The following PBRM1 variants were observed in gnomAD, a reference collection of about 807,000 sequenced individuals.
PBRM1 encodes the protein protein polybromo-1.
In PBRM1, 27 loss-of-function variants were observed where a neutral mutation model predicts 194.5. The observed-to-expected ratio is 0.14, with a 90% CI of 0.10 to 0.19. The LOEUF (loss-of-function observed/expected upper bound fraction) is 0.19, where lower values mean the gene tolerates loss of function less well. PBRM1 is among the 10% of genes least tolerant of loss of function. The probability of loss-of-function intolerance (pLI) is 1.00; values close to 1 mark genes in which losing one functional copy is unlikely to be tolerated. For missense variants in PBRM1, 1,466 were observed against 2,077.2 expected (o/e 0.71, Z 5.72); for synonymous variants, 655 against 693.2 (o/e 0.94, Z 0.87).
In PBRM1 at chr3:52,621,432, G is replaced by A. The variant is rs150151512; in HGVS notation, c.1542-3894C>T. On this transcript the variant is annotated intron_variant, in intron 13 of 29. Coordinates refer to ENST00000296302, the Ensembl canonical transcript of PBRM1. ...CCCGCCTCGGCCTCCCAAAGTGCTA[G>A]GATTACAGGCGTGAGCCACTGCGCC... 5.2e-3 allele frequency among the ~76,000 whole-genome samples: 793 copies of A among 152,286 alleles called. 9 individuals carry two copies. Among genetic ancestry groups the A allele is most frequent in the African/African-American group, 0.018 (733 of 41,568 alleles).
At chr3:52,644,944 C>G (rs1459204481) in intron 7 of PBRM1, among the ~76,000 whole-genome samples, 155 bp from the exon 9 acceptor site, 1 of 152,202 alleles carries the variant, frequency 6.6e-6, no homozygotes, top group African/African-American at 2.4e-5. Context: ...AACATTTCTA[C>G]AAGCTTCCAA....
rs918575193 is a variant in PBRM1, at chr3:52,559,807, C to T, written c.4289-1394G>A. ...CCCTTTGTACAATGAGTATGAGAAA[C>T]GAAGGCCATTTGAACAAACTATTTA... On this transcript the variant is annotated intron_variant, in intron 25 of 29. Transcript: ENST00000296302. Among the ~76,000 whole-genome samples, 3 of 142,552 alleles carry T rather than the reference C, an allele frequency of 2.1e-5. 1 individual carries two copies. The highest frequency in any genetic ancestry group is 3.0e-5 in the Non-Finnish European group (2 of 66,122). The allele number at this position is 142,552 out of a possible 152,430, so 93.5% of individuals were successfully genotyped here.
chr3:52,634,953 T>C (rs995356208), intron 10 of PBRM1, 138 bp from the exon 12 acceptor site: 1 of 679,244 alleles, frequency 1.5e-6, no homozygotes, highest in South Asian at 2.0e-5. Flanking sequence ...TGAGACAGGG[T>C]CTGGCTTTGT....
Position 52,583,114 on chromosome 3 carries a change from A to C in PBRM1, c.3387+3311T>G, listed in dbSNP as rs543051346. On this transcript the variant is annotated intron_variant, in intron 20 of 29. Coordinates refer to ENST00000296302, the Ensembl canonical transcript of PBRM1. The stretch of plus-strand genomic sequence containing the variant: ...TCCATCTCAAAAAAAAAAAAAAAAA[A>C]AAAAAACTAATAGGGGCGGGGGCGG... Among the ~76,000 whole-genome samples, 560 of 119,288 alleles carry C rather than the reference A, an allele frequency of 4.7e-3. 1 individual carries two copies. The highest frequency in any genetic ancestry group is 0.011 in the Middle Eastern group (2 of 184). 78.3% of individuals were successfully genotyped at this position (119,288 alleles called of 152,430 possible).
chr3:52,659,253 C>G (rs1189072700), intron 4 of PBRM1, among the ~76,000 whole-genome samples: 5 of 152,146 alleles, frequency 3.3e-5, no homozygotes, highest in African/African-American at 1.2e-4. Context: ...AAGCAAGTTT[C>G]TAGAATAAGC....
rs149085395 is a variant in PBRM1, at chr3:52,671,092, C to T, written c.237-2447G>A. Among the ~76,000 whole-genome samples the T allele has an allele frequency of 4.0e-3, 610 of 152,286 alleles. 3 individuals carry two copies. Among genetic ancestry groups the T allele is most frequent in the South Asian group, 0.022 (107 of 4,826 alleles). On this transcript the variant is annotated intron_variant, in intron 2 of 29. Coordinates refer to ENST00000296302, the Ensembl canonical transcript of PBRM1. ...GACCGCAGAATAGAGTTGGCTAATA[C>T]TTGTACCTTGACAACTTCACAGAAC...
chr3:52,654,560 T>A (rs1173780705), intron 5 of PBRM1, among the ~76,000 whole-genome samples: 1 of 152,136 alleles, frequency 6.6e-6, no homozygotes, highest in Non-Finnish European at 1.5e-5. Context: ...TCTTTCAAAC[T>A]GTCACACCCT....
At chr3:52,586,907 A>T (rs2092473441) in intron 19 of PBRM1, among the ~76,000 whole-genome samples, 1 of 152,194 alleles carries the variant, frequency 6.6e-6, no homozygotes, top group Non-Finnish European at 1.5e-5. Context: ...CCTTTAAATT[A>T]TAAAAACAAA....
intron 9 of PBRM1, 80 bp downstream of exon 10, chr3:52,643,168 A>C: frequency 2.0e-6 from 2 of 980,602 alleles, no homozygotes; most frequent in East Asian, 2.4e-5. Context: ...TATTCCTTCA[A>C]GATAGCCATT....
At chr3:52,546,563 T>C (rs184467212), downstream of PBRM1, 1 of 230,310 alleles carries the variant, frequency 4.3e-6, no homozygotes, top group East Asian at 6.3e-5. Flanking sequence ...ATCTGGGTAC[T>C]GATTCATAGC....
chr3:52,681,987 T>G (rs1388797301), upstream of PBRM1: 1 of 157,756 alleles, frequency 6.3e-6, no homozygotes, highest in Admixed American at 6.5e-5. Flanking sequence ...TCAAACAAAC[T>G]GCTGCAAAGG....
At chr3:52,579,577 G>A (rs2090561481) in intron 20 of PBRM1, among the ~76,000 whole-genome samples, 3 of 151,492 alleles carry the variant, frequency 2.0e-5, no homozygotes, top group Admixed American at 6.6e-5. Flanking sequence ...CAGCCTGGGC[G>A]ACAGAGCAAG....
At chr3:52,558,465 A>T (rs2153458416) in intron 25 of PBRM1, 52 bp from the exon 28 acceptor site, 1 of 1,437,354 alleles carries the variant, frequency 7.0e-7, no homozygotes. Flanking sequence ...GGAATTCAAA[A>T]TACCATCCAT....
At chr3:52,583,313 G>A (rs535048240) in intron 20 of PBRM1, among the ~76,000 whole-genome samples, 10 of 151,448 alleles carry the variant, frequency 6.6e-5, no homozygotes, top group African/African-American at 2.4e-4. Context: ...AGGAGGGTGA[G>A]GCAGCAGAAT....
intron 13 of PBRM1, among the ~76,000 whole-genome samples, chr3:52,618,817 T>A (rs1176936355): frequency 6.6e-6 from 1 of 152,024 alleles, no homozygotes; most frequent in Non-Finnish European, 1.5e-5. Context: ...AACGGTGTGA[T>A]CTCTGCTCAC....
intron 13 of PBRM1, among the ~76,000 whole-genome samples, chr3:52,622,605 T>A (rs2095318423): frequency 6.6e-6 from 1 of 152,206 alleles, no homozygotes; most frequent in Admixed American, 6.5e-5. Context: ...TGATGGCAAA[T>A]GTGATTTTCC....
exon 27 of PBRM1, chr3:52,554,766 G>A (rs1304065662): frequency 1.3e-6 from 2 of 1,576,908 alleles, no homozygotes; most frequent in Admixed American, 4.0e-5. Context: ...CCTGGCGGAA[G>A]ATGGTGGGGT....
At chr3:52,685,797 G>A (rs2097304863) in exon 1 of PBRM1, 2 of 304,548 alleles carry the variant, frequency 6.6e-6, no homozygotes, top group African/African-American at 2.2e-5. Context: ...CGACCGCCGC[G>A]CCCCGCCCCG....
At chr3:52,549,004 G>A (rs1222451506) in intron 29 of PBRM1, among the ~76,000 whole-genome samples, 1 of 149,338 alleles carries the variant, frequency 6.7e-6, no homozygotes, top group Non-Finnish European at 1.5e-5. Context: ...TTTTCCTTTT[G>A]TTAAACTGAG....
Sources: gnomAD v4.1 joint callset for allele counts (sites outside exome capture counted in the v4.1 genomes callset) on GRCh38, gnomAD v4.1.1 for gene constraint, MANE v1.5 for transcripts, NCBI Gene and HGNC (gene_info 2026-07-23, HGNC 2026-07-21) for gene names.